ELP4: variants seen among roughly 807,000 people sequenced by gnomAD.
ELP4 encodes the protein elongator complex protein 4.
Under a neutral mutation model 48.9 loss-of-function variants are expected in ELP4, and 51 were observed. That is an observed-to-expected ratio of 1.04 (90% CI 0.83 to 1.32). The LOEUF (loss-of-function observed/expected upper bound fraction) is 1.32. Among genes scored for constraint, ELP4 ranks in the 40% most tolerant of loss-of-function variants. The probability of loss-of-function intolerance (pLI) is 0.00; values close to 1 mark genes in which losing one functional copy is unlikely to be tolerated. For synonymous variants in ELP4, 210 were observed against 189.2 expected, an observed-to-expected ratio of 1.11 and a Z score of -0.90; for missense variants, 519 against 514.6, an observed-to-expected ratio of 1.01 and a Z score of -0.08.
At chr11:31,709,140 A>G (rs969973049) in intron 9 of ELP4, among the ~76,000 whole-genome samples, 2 of 152,168 alleles carry the variant, frequency 1.3e-5, no homozygotes, top group African/African-American at 4.8e-5. Context: ...CATTTGAGTG[A>G]AAGAATATAA....
At chr11:31,684,578 G>A (rs999387892) in intron 9 of ELP4, among the ~76,000 whole-genome samples, 1 of 152,124 alleles carries the variant, frequency 6.6e-6, no homozygotes, top group Non-Finnish European at 1.5e-5. Flanking sequence ...ATTGACACAA[G>A]GACAGATCAT....
chr11:31,734,635 A>G (rs1325441916), intron 9 of ELP4, among the ~76,000 whole-genome samples: 1 of 152,236 alleles, frequency 6.6e-6, no homozygotes, highest in African/African-American at 2.4e-5. Flanking sequence ...TGAATAAAAT[A>G]CTTAGGAAAA....
At chr11:31,561,110 A>G (rs1957018226) in intron 3 of ELP4, among the ~76,000 whole-genome samples, 1 of 152,200 alleles carries the variant, frequency 6.6e-6, no homozygotes, top group African/African-American at 2.4e-5. Context: ...GTATACATGT[A>G]TACATAATAC....
At chr11:31,599,083 C>T (rs1162489173) in intron 4 of ELP4, 1 of 152,014 alleles carries the variant, frequency 6.6e-6, no homozygotes, top group African/African-American at 2.4e-5. Flanking sequence ...AGAATGTGAG[C>T]TCAATGAGAG....
At chr11:31,627,635 A>G (rs1944774158) in intron 6 of ELP4, among the ~76,000 whole-genome samples, 1 of 152,050 alleles carries the variant, frequency 6.6e-6, no homozygotes, top group Non-Finnish European at 1.5e-5. Context: ...TTAAAAATAC[A>G]TTTTTATTTG....
chr11:31,722,080 A>G (rs951975722), intron 9 of ELP4, among the ~76,000 whole-genome samples: 1 of 152,200 alleles, frequency 6.6e-6, no homozygotes, highest in Non-Finnish European at 1.5e-5. Flanking sequence ...TTGTAACTTA[A>G]TGGTACTTTA....
At chr11:31,611,735 C>T (rs530881447) in intron 5 of ELP4, among the ~76,000 whole-genome samples, 3 of 152,324 alleles carry the variant, frequency 2.0e-5, no homozygotes, top group South Asian at 2.1e-4. Context: ...ACAAAGCAGA[C>T]GTTAACCTTG....
At chr11:31,515,000 C>CGT (rs1956081255) in intron 1 of ELP4, among the ~76,000 whole-genome samples, 5 of 107,794 alleles carry the variant, frequency 4.6e-5, no homozygotes, top group African/African-American at 1.5e-4. Flanking sequence ...CTGCTGTATG[C>CGT]ATGTGTGTGT....
At chr11:31,782,450 C>A (rs1351045797) in intron 9 of ELP4, among the ~76,000 whole-genome samples, 1 of 152,234 alleles carries the variant, frequency 6.6e-6, no homozygotes, top group Non-Finnish European at 1.5e-5. Context: ...TAGCCTCCCA[C>A]ACCACTTTGT....
rs193057211 is a variant in ELP4 at position 31,552,123 on chromosome 11, T to C, written c.381+12340T>C. On this transcript the variant is annotated intron_variant, in intron 3 of 9. Transcript: ENST00000640961. The stretch of plus-strand genomic sequence containing the variant: ...ATTGATCATTCCTTCTTCCCCGATA[T>C]ACTTTCTTCCCTTGGTTTCCAGGAT... Among the ~76,000 whole-genome samples the C allele has an allele frequency of 6.6e-3, 1,000 of 152,282 alleles. 7 individuals carry two copies. The highest frequency in any genetic ancestry group is 8.9e-3 in the Non-Finnish European group (608 of 68,012).
rs533352906 is a variant in ELP4 at position 31,696,203 on chromosome 11, C to A, written c.1143+45982C>A. On this transcript the variant is annotated intron_variant, in intron 9 of 9. Transcript: ENST00000640961. ...TCTTATCTTAGTTATTTCTTGCCTT[C>A]TGCTAGCTTTTGAATGTGTTTGCTC... Among the ~76,000 whole-genome samples, 168 of 152,218 alleles carry A rather than the reference C, an allele frequency of 1.1e-3. 1 individual carries two copies. Among genetic ancestry groups the A allele is most frequent in the African/African-American group, 3.9e-3 (164 of 41,536 alleles).
chr11:31,727,509 A>T (rs1482224320), intron 9 of ELP4, among the ~76,000 whole-genome samples: 1 of 152,168 alleles, frequency 6.6e-6, no homozygotes. Context: ...AACTGCTAAG[A>T]GGGCCAAGCC....
chr11:31,770,061 T>C (rs1250887922), intron 9 of ELP4, among the ~76,000 whole-genome samples: 1 of 152,158 alleles, frequency 6.6e-6, no homozygotes, highest in Non-Finnish European at 1.5e-5. Context: ...CCCAGTTCTC[T>C]TCTAGTTACG....
At chr11:31,637,191 G>C (rs1364603667) in intron 7 of ELP4, 2 of 151,854 alleles carry the variant, frequency 1.3e-5, no homozygotes, top group Admixed American at 1.3e-4. Context: ...CCAAGAGCAT[G>C]TGTACAGCCC....
At chr11:31,611,614 A>G (rs1332377852) in intron 5 of ELP4, among the ~76,000 whole-genome samples, 4 of 152,236 alleles carry the variant, frequency 2.6e-5, no homozygotes, top group South Asian at 2.1e-4. Context: ...AAACATAATC[A>G]TATGTCCGAT....
chr11:31,566,306 C>T lies in ELP4; in HGVS notation c.381+26523C>T, dbSNP rs184209018. Among the ~76,000 whole-genome samples, 20 of 151,550 alleles carry T rather than the reference C, an allele frequency of 1.3e-4. No individual in the cohort carries two copies. The East Asian group carries it at 1.4e-3, about 10-fold the overall frequency. On this transcript the variant is annotated intron_variant, in intron 3 of 9. Coordinates refer to ENST00000640961, the MANE Select transcript of ELP4 (RefSeq NM_019040.5). ...CCGGGAGGCAGAGGTTGCAGTGAGC[C>T]GAGATTGCGCCACTGCACTCTATCC...
chr11:31,645,246 G>A lies in ELP4; in HGVS notation c.928-2495G>A, dbSNP rs1592186882. On this transcript the variant is annotated intron_variant, in intron 7 of 9. Transcript: ENST00000640961. ...TCTGGAAAATTGTGAAATCTAGGCT[G>A]TGCATATTTTTCAGTTAGAATTCAC... is the stretch of plus-strand genomic sequence containing the variant. Among the ~76,000 whole-genome samples the A allele has an allele frequency of 3.3e-5, 5 of 151,838 alleles. No homozygotes were observed. In the Middle Eastern group the frequency reaches 0.017, roughly 516 times the overall value.
At chr11:31,512,142 C>T (rs1956021419) in intron 1 of ELP4, 1 of 152,024 alleles carries the variant, frequency 6.6e-6, no homozygotes, top group Non-Finnish European at 1.5e-5. Flanking sequence ...TTATTTGACT[C>T]AAGTTGCGAC....
At chr11:31,594,690 A>T in intron 3 of ELP4, 80 bp from the exon 4 acceptor site, 1 of 892,810 alleles carries the variant, frequency 1.1e-6, no homozygotes, top group Non-Finnish European at 1.6e-6. Flanking sequence ...GGAAATTTCT[A>T]GTGTTGCTAA....
Sources: allele counts gnomAD v4.1 joint callset (sites outside exome capture counted in the v4.1 genomes callset), GRCh38; gene constraint gnomAD v4.1.1; transcripts MANE v1.5; gene names NCBI Gene and HGNC (gene_info 2026-07-23, HGNC 2026-07-21).